Variants in EFCAB11 observed in about 807,000 individuals in gnomAD.
EFCAB11 encodes EF-hand calcium-binding domain-containing protein 11.
Under a neutral mutation model 23.0 loss-of-function variants are expected in EFCAB11, and 14 were observed. That is an observed-to-expected ratio of 0.61 (90% CI 0.40 to 0.95). The LOEUF (loss-of-function observed/expected upper bound fraction) is 0.95. Ranked by LOEUF, EFCAB11 falls within the 40% of genes least tolerant of loss-of-function variation. EFCAB11 has a pLI of 0.00. For missense variants in EFCAB11, 198 were observed against 195.8 expected (o/e 1.01, Z -0.07); for synonymous variants, 65 against 66.6 (o/e 0.98, Z 0.11).
chr14:89,938,588 G>A (rs576952497), intron 3 of EFCAB11, among the ~76,000 whole-genome samples: 1 of 152,168 alleles, frequency 6.6e-6, no homozygotes, highest in East Asian at 1.9e-4. Flanking sequence ...CTTAATGGAA[G>A]AAATCAAGTT....
chr14:89,886,958 A>G (rs899827702), intron 5 of EFCAB11, among the ~76,000 whole-genome samples: 1 of 152,204 alleles, frequency 6.6e-6, no homozygotes, highest in African/African-American at 2.4e-5. Flanking sequence ...TTCACATCCT[A>G]AATAATCCAC....
chr14:89,810,172 A>G (rs1886104331), intron 5 of EFCAB11, among the ~76,000 whole-genome samples: 1 of 152,190 alleles, frequency 6.6e-6, no homozygotes, highest in Admixed American at 6.5e-5. Flanking sequence ...TATTTGGCAC[A>G]GTGTCTGGCA....
intron 5 of EFCAB11, among the ~76,000 whole-genome samples, chr14:89,920,667 T>C (rs1197909891): frequency 6.6e-6 from 1 of 152,192 alleles, no homozygotes; most frequent in East Asian, 1.9e-4. Context: ...AAATATTAGT[T>C]GCCAGTGGTG....
chr14:89,804,607 A>G (rs1025066765), intron 5 of EFCAB11, among the ~76,000 whole-genome samples: 3 of 152,156 alleles, frequency 2.0e-5, no homozygotes, highest in Admixed American at 6.5e-5. Context: ...TTAAGACACA[A>G]TGGAAAGTTT....
intron 5 of EFCAB11, among the ~76,000 whole-genome samples, chr14:89,815,675 C>G (rs549657645): frequency 1.3e-5 from 2 of 152,106 alleles, no homozygotes; most frequent in Non-Finnish European, 2.9e-5. Flanking sequence ...CCACCCGCCT[C>G]GGCCTCCCAA....
chr14:89,921,251 C>T (rs553376564), intron 5 of EFCAB11, among the ~76,000 whole-genome samples: 72 of 151,974 alleles, frequency 4.7e-4, no homozygotes, highest in African/African-American at 1.6e-3. Context: ...ACCAGAAAGG[C>T]GGAGTAGGAT....
chr14:89,891,339 T>C (rs1596433402), intron 5 of EFCAB11, among the ~76,000 whole-genome samples: 2 of 152,306 alleles, frequency 1.3e-5, no homozygotes, highest in South Asian at 4.1e-4. Flanking sequence ...CTTCAGGGAA[T>C]AGAAAACTAT....
At chr14:89,827,275 T>C (rs1269394879) in intron 5 of EFCAB11, among the ~76,000 whole-genome samples, 2 of 151,898 alleles carry the variant, frequency 1.3e-5, no homozygotes, top group African/African-American at 4.8e-5. Context: ...CTGGAGAGGG[T>C]GCTAGAGGCT....
chr14:89,944,815 C>T (rs931361380), intron 3 of EFCAB11, among the ~76,000 whole-genome samples: 3 of 151,192 alleles, frequency 2.0e-5, no homozygotes, highest in African/African-American at 7.3e-5. Context: ...AAATGTGATT[C>T]TAAACCTTGT....
At chr14:89,797,983 C>T (rs959556572) in intron 5 of EFCAB11, among the ~76,000 whole-genome samples, 1 of 152,096 alleles carries the variant, frequency 6.6e-6, no homozygotes, top group African/African-American at 2.4e-5. Flanking sequence ...GAGTAGTGGT[C>T]CCAACTCCTC....
At chr14:89,832,403 T>C (rs972785073) in intron 5 of EFCAB11, among the ~76,000 whole-genome samples, 12 of 152,122 alleles carry the variant, frequency 7.9e-5, no homozygotes, top group Non-Finnish European at 1.5e-4. Context: ...TTTTAAATTT[T>C]TAAATGTGGA....
At chr14:89,822,362 T>A (rs990612340) in intron 5 of EFCAB11, among the ~76,000 whole-genome samples, 3 of 152,262 alleles carry the variant, frequency 2.0e-5, no homozygotes, top group Admixed American at 6.5e-5. Context: ...GTGCTTGTTT[T>A]CTTCCCCTGG....
At position 89,949,404 on chromosome 14, in the gene EFCAB11, G is replaced by A. The variant is rs187115850; in HGVS notation, c.217+693C>T. On this transcript the variant is annotated intron_variant, in intron 3 of 5. Coordinates refer to ENST00000316738, the MANE Select transcript of EFCAB11 (RefSeq NM_145231.4). The stretch of plus-strand genomic sequence containing the variant: ...TTGGAGACAGAGTTTCACTCTTGTC[G>A]CCCAGGCTGGAGTGCAATGGCTCAA... Among the ~76,000 whole-genome samples, 298 of 152,046 alleles carry A rather than the reference G, an allele frequency of 2.0e-3. 1 individual carries two copies. The highest frequency in any genetic ancestry group is 0.01 in the Middle Eastern group (3 of 294).
chr14:89,840,063 A>G (rs778020036), intron 5 of EFCAB11, among the ~76,000 whole-genome samples: 15 of 152,214 alleles, frequency 9.9e-5, no homozygotes, highest in African/African-American at 1.4e-4. Context: ...GATGAGATCC[A>G]CTAGGCATTC....
At chr14:89,920,981 C>G (rs527718661) in intron 5 of EFCAB11, among the ~76,000 whole-genome samples, 2 of 150,610 alleles carry the variant, frequency 1.3e-5, no homozygotes, top group Non-Finnish European at 2.9e-5. Flanking sequence ...AGGAGAATCA[C>G]TTGAACCTGG....
chr14:89,918,310 A>G (rs1889915124), intron 5 of EFCAB11, among the ~76,000 whole-genome samples: 1 of 152,120 alleles, frequency 6.6e-6, no homozygotes, highest in Non-Finnish European at 1.5e-5. Context: ...AGGCCAAGGC[A>G]GGTGGATCAC....
chr14:89,837,008 C>A (rs1270775852), intron 5 of EFCAB11: 4 of 455,164 alleles, frequency 8.8e-6, no homozygotes, highest in Admixed American at 4.7e-5. Context: ...GGCGACAGAG[C>A]GATACACTTG....
intron 5 of EFCAB11, among the ~76,000 whole-genome samples, chr14:89,846,003 T>C (rs1222154321): frequency 6.6e-6 from 1 of 152,184 alleles, no homozygotes; most frequent in Non-Finnish European, 1.5e-5. Flanking sequence ...ATTGGCTCCA[T>C]CATTTACAAG....
chr14:89,866,905 G>A lies in EFCAB11; in HGVS notation c.410+64636C>T, dbSNP rs1023265351. 3.9e-5 allele frequency among the ~76,000 whole-genome samples: 6 copies of A among 152,232 alleles called. No homozygotes were observed. In the South Asian group the frequency reaches 1.2e-3, roughly 32 times the overall value. ...CCAACCTCAGTCTCCTGAGTAGCGG[G>A]GATTACAGGTGCCTGCCACCAAACC... On this transcript the variant is annotated intron_variant, in intron 5 of 5. Transcript: ENST00000316738.
Sources: gnomAD v4.1 joint callset for allele counts (sites outside exome capture counted in the v4.1 genomes callset) on GRCh38, gnomAD v4.1.1 for gene constraint, MANE v1.5 for transcripts, NCBI Gene and HGNC (gene_info 2026-07-23, HGNC 2026-07-21) for gene names.